Variants in STAM observed in about 807,000 individuals in gnomAD.
The protein encoded by STAM is signal transducing adapter molecule 1.
STAM carries 16 observed loss-of-function variants against 63.4 expected under a neutral mutation model. The ratio of observed to expected loss-of-function variants is 0.25; its 90% CI spans 0.17 to 0.38. The LOEUF (loss-of-function observed/expected upper bound fraction) is 0.38. Among genes scored for constraint, STAM ranks in the 10% least tolerant of loss-of-function variants. The probability of loss-of-function intolerance (pLI) is 1.00; values close to 1 mark genes in which losing one functional copy is unlikely to be tolerated. For synonymous variants in STAM, 238 were observed against 223.9 expected (o/e 1.06, Z -0.56); for missense variants, 636 against 657.1 (o/e 0.97, Z 0.35).
At chr10:17,660,376 A>G (rs576395753) in intron 1 of STAM, 88 bp from the exon 2 acceptor site, 553 of 842,838 alleles carry the variant, frequency 6.6e-4, no homozygotes, top group Middle Eastern at 2.1e-3. Flanking sequence ...AGACTTGATT[A>G]TACTATAGTT....
chr10:17,702,942 A>G (rs1836067631), intron 9 of STAM, among the ~76,000 whole-genome samples: 1 of 145,968 alleles, frequency 6.9e-6, no homozygotes, highest in South Asian at 2.2e-4. Flanking sequence ...TGGGAGGCGG[A>G]AGGTCGTAGT....
At chr10:17,667,071 A>G (rs1320600351) in intron 2 of STAM, among the ~76,000 whole-genome samples, 9 of 152,040 alleles carry the variant, frequency 5.9e-5, no homozygotes, top group Admixed American at 3.9e-4. Flanking sequence ...TCTAATTGAT[A>G]TTTAGGATTC....
At chr10:17,666,640 G>A (rs557731003) in intron 2 of STAM, among the ~76,000 whole-genome samples, 3 of 152,142 alleles carry the variant, frequency 2.0e-5, no homozygotes, top group African/African-American at 7.2e-5. Flanking sequence ...CTTGTGATCT[G>A]CCCGCCTTGG....
chr10:17,691,287 G>T (rs1229177817), intron 5 of STAM, among the ~76,000 whole-genome samples: 6 of 152,294 alleles, frequency 3.9e-5, no homozygotes, highest in African/African-American at 1.2e-4. Flanking sequence ...GGGAGGCCGA[G>T]GCGGGTGGGT....
At chr10:17,646,395 C>G (rs142641038) in intron 1 of STAM, among the ~76,000 whole-genome samples, 8 of 152,178 alleles carry the variant, frequency 5.3e-5, no homozygotes, top group African/African-American at 1.9e-4. Context: ...AGTTGAGAAC[C>G]GCTGCACTAG....
chr10:17,668,920 A>T (rs535806256), intron 2 of STAM, among the ~76,000 whole-genome samples: 1 of 152,224 alleles, frequency 6.6e-6, no homozygotes, highest in Non-Finnish European at 1.5e-5. Context: ...TGCTATAAAC[A>T]TGAATTTGCA....
At chr10:17,657,161 C>G (rs1369498103) in intron 1 of STAM, among the ~76,000 whole-genome samples, 1 of 152,146 alleles carries the variant, frequency 6.6e-6, no homozygotes, top group Non-Finnish European at 1.5e-5. Context: ...TTTATTGGAG[C>G]CCCCTTTTTT....
intron 1 of STAM, among the ~76,000 whole-genome samples, chr10:17,655,586 G>A (rs934125380): frequency 1.3e-5 from 2 of 152,150 alleles, no homozygotes; most frequent in African/African-American, 2.4e-5. Context: ...TATTTTCTGC[G>A]ATTAAACTCA....
chr10:17,688,027 G>A lies in STAM; in HGVS notation c.298G>A (p.Gly100Ser), dbSNP rs1835365622. Reference protein sequence around the residue: ...ASEVSNVLNKGHPKVCEKLKA... With the variant: ...ASEVSNVLNKSHPKVCEKLKA... Reference sequence around the variant, plus strand: ...TTTTATTTCTTTTTCTATTTTACAGGGTCATCCTAAAGTATGTGAAAAATT... The same window carrying A: ...TTTTATTTCTTTTTCTATTTTACAGAGTCATCCTAAAGTATGTGAAAAATT... Residue 100 changes from glycine to serine, a missense_variant and splice_region_variant, in exon 5 of 14, where the codon GGT becomes AGT. Gly to Ser is a moderately conservative substitution (Grantham distance 56). Around this residue, in one of 3 missense-constraint regions of STAM, gnomAD observed 532 missense variants for 536.9 expected, o/e 0.99. Transcript: ENST00000377524. 6.4e-7 allele frequency: 1 copy of A among 1,568,036 alleles called. No homozygotes were observed. Among genetic ancestry groups the A allele is most frequent in the Non-Finnish European group, 8.6e-7 (1 of 1,161,420 alleles).
At chr10:17,656,163 A>G (rs1833929990) in intron 1 of STAM, among the ~76,000 whole-genome samples, 1 of 151,848 alleles carries the variant, frequency 6.6e-6, no homozygotes, top group African/African-American at 2.4e-5. Flanking sequence ...ACGTTGTGGC[A>G]TGTGCCTGTA....
intron 2 of STAM, among the ~76,000 whole-genome samples, chr10:17,676,434 CAT>C (rs1834859875): frequency 6.6e-6 from 1 of 152,138 alleles, no homozygotes; most frequent in African/African-American, 2.4e-5. Flanking sequence ...CATCAGCTGA[CAT>C]ATGTAGGCAG....
chr10:17,693,674 A>G (rs1377844023), intron 6 of STAM, among the ~76,000 whole-genome samples: 1 of 152,170 alleles, frequency 6.6e-6, no homozygotes, highest in Non-Finnish European at 1.5e-5. Flanking sequence ...CTGTTCTATA[A>G]TATCCAGTGT....
chr10:17,673,171 C>T, intron 2 of STAM: 1 of 324,288 alleles, frequency 3.1e-6, no homozygotes, highest in Non-Finnish European at 4.4e-6. Flanking sequence ...TGTTTATTGC[C>T]ACCCGTCTCT....
chr10:17,690,287 C>G (rs1366068143), intron 5 of STAM, among the ~76,000 whole-genome samples: 3 of 152,140 alleles, frequency 2.0e-5, no homozygotes, highest in Non-Finnish European at 4.4e-5. Flanking sequence ...TGAATGCTGG[C>G]AAGAGCATTA....
chr10:17,689,630 A>G (rs1835445217), intron 5 of STAM, among the ~76,000 whole-genome samples: 1 of 152,254 alleles, frequency 6.6e-6, no homozygotes, highest in South Asian at 2.1e-4. Context: ...AAGACATTAT[A>G]CATTCCTTGA....
At chr10:17,681,007 A>G (rs1835063534) in intron 2 of STAM, among the ~76,000 whole-genome samples, 1 of 152,178 alleles carries the variant, frequency 6.6e-6, no homozygotes, top group Non-Finnish European at 1.5e-5. Context: ...TTGCTGGAGC[A>G]TATGGTAATT....
intron 9 of STAM, among the ~76,000 whole-genome samples, chr10:17,701,170 T>C (rs1835978606): frequency 6.6e-6 from 1 of 152,218 alleles, no homozygotes; most frequent in African/African-American, 2.4e-5. Flanking sequence ...ATTAAGTTAA[T>C]CACTCCTATT....
chr10:17,660,757 G>A (rs568668755), intron 2 of STAM, among the ~76,000 whole-genome samples: 2 of 152,142 alleles, frequency 1.3e-5, no homozygotes, highest in African/African-American at 2.4e-5. Context: ...GTGAGACCCC[G>A]TCTCTTAAAA....
At chr10:17,681,991 C>T (rs1471397024) in intron 2 of STAM, among the ~76,000 whole-genome samples, 1 of 152,146 alleles carries the variant, frequency 6.6e-6, no homozygotes, top group Non-Finnish European at 1.5e-5. Flanking sequence ...ACATTCTTGG[C>T]CTGTCATTTA....
Sources: gnomAD v4.1 joint callset for allele counts (sites outside exome capture counted in the v4.1 genomes callset) on GRCh38, gnomAD v4.1.1 for gene constraint, gnomAD v4.1.1 regional missense constraint, MANE v1.5 for transcripts, NCBI Gene and HGNC (gene_info 2026-07-23, HGNC 2026-07-21) for gene names.